The following GALNT9 variants were observed in gnomAD, a reference collection of about 807,000 sequenced individuals.
GALNT9 encodes GalNAc transferase 9.
In GALNT9, 47 loss-of-function variants were observed where a neutral mutation model predicts 63.1. That is an observed-to-expected ratio of 0.75 (90% confidence interval 0.59 to 0.95). The LOEUF is 0.95. Among genes scored for constraint, GALNT9 ranks in the 40% least tolerant of loss-of-function variants. The pLI, the probability that GALNT9 is intolerant of heterozygous loss-of-function variation, is 0.00. For synonymous variants in GALNT9, 396 were observed against 365.7 expected, an observed-to-expected ratio of 1.08 and a Z score of -0.94; for missense variants, 829 against 874.8, an observed-to-expected ratio of 0.95 and a Z score of 0.66.
At chr12:132,309,056 T>G (rs1347740948) in intron 1 of GALNT9, among the ~76,000 whole-genome samples, 1 of 152,210 alleles carries the variant, frequency 6.6e-6, no homozygotes, top group Non-Finnish European at 1.5e-5. Flanking sequence ...TTTATGGCCC[T>G]GCAGGGCGGT....
intron 2 of GALNT9, among the ~76,000 whole-genome samples, chr12:132,269,752 G>T (rs1206720572): frequency 6.6e-6 from 1 of 152,262 alleles, no homozygotes; most frequent in African/African-American, 2.4e-5. Context: ...GCCGGATCCC[G>T]GTGGGGTGGC....
At chr12:132,257,571 C>T (rs1879181671) in intron 5 of GALNT9, 118 bp downstream of exon 5, 2 of 657,190 alleles carry the variant, frequency 3.0e-6, no homozygotes, top group Admixed American at 5.6e-5. Flanking sequence ...GTCCCCACGC[C>T]CTCGTCCCCA....
intron 1 of GALNT9, among the ~76,000 whole-genome samples, chr12:132,323,985 G>A (rs1430318873): frequency 2.0e-5 from 3 of 152,172 alleles, no homozygotes; most frequent in Non-Finnish European, 2.9e-5. Flanking sequence ...TGTAATACAC[G>A]GAGGGAATTC....
At chr12:132,281,853 G>GTCCCCGA (rs1555241700) in intron 2 of GALNT9, among the ~76,000 whole-genome samples, 28 of 149,550 alleles carry the variant, frequency 1.9e-4, no homozygotes, top group African/African-American at 7.0e-4. Context: ...AGGCCTGGGG[G>GTCCCCGA]TCCCACATCC....
At chr12:132,291,396 C>G (rs1880830906) in intron 1 of GALNT9, among the ~76,000 whole-genome samples, 1 of 123,972 alleles carries the variant, frequency 8.1e-6, no homozygotes, top group Non-Finnish European at 1.7e-5. Context: ...CCACAGCACC[C>G]ACGTCCACAG....
chr12:132,203,965 C>T (rs562482948), intron 6 of GALNT9, among the ~76,000 whole-genome samples: 84 of 152,196 alleles, frequency 5.5e-4, no homozygotes, highest in African/African-American at 1.9e-3. Flanking sequence ...TTTATTCTAC[C>T]GACCCCAACA....
At chr12:132,289,771 T>G (rs1239571666) in intron 1 of GALNT9, among the ~76,000 whole-genome samples, 3 of 152,228 alleles carry the variant, frequency 2.0e-5, no homozygotes, top group Non-Finnish European at 2.9e-5. Flanking sequence ...GCGTCTGTGC[T>G]TAAGAGAACC....
At chr12:132,281,250 G>C (rs1183238529) in intron 2 of GALNT9, among the ~76,000 whole-genome samples, 1 of 152,212 alleles carries the variant, frequency 6.6e-6, no homozygotes, top group Non-Finnish European at 1.5e-5. Flanking sequence ...TGTTGCACGT[G>C]AACAATTCCC....
In GALNT9 at chr12:132,236,623, T is replaced by A. The variant is rs1878012491; in HGVS notation, c.1077+11287A>T. Among the ~76,000 whole-genome samples the A allele has an allele frequency of 6.6e-6, 1 of 152,174 alleles. No individual in the cohort carries two copies. Among genetic ancestry groups the A allele is most frequent in the Non-Finnish European group, 1.5e-5 (1 of 68,020 alleles). On this transcript the variant is annotated intron_variant, in intron 6 of 10. Transcript: ENST00000328957. The surrounding 1 kb of genome is among the most constrained non-coding windows in gnomAD (Gnocchi z 5.6). ...TTTGATTTCCTTCAAGAGTCCACCCTTATCTGTACCTGGTTAAAATAATCA... is the reference window on the plus strand; with the variant it reads ...TTTGATTTCCTTCAAGAGTCCACCCATATCTGTACCTGGTTAAAATAATCA...
intron 1 of GALNT9, among the ~76,000 whole-genome samples, chr12:132,300,591 C>A (rs1881257191): frequency 7.1e-6 from 1 of 140,576 alleles, no homozygotes; most frequent in Non-Finnish European, 1.5e-5. Context: ...CTGAGATAAC[C>A]AAGCCACTGC....
At chr12:132,214,379 T>A (rs1877096507) in intron 6 of GALNT9, among the ~76,000 whole-genome samples, 1 of 152,192 alleles carries the variant, frequency 6.6e-6, no homozygotes, top group Non-Finnish European at 1.5e-5. Context: ...ATCTGGAACC[T>A]CACTAGCCCG....
chr12:132,221,005 TGAG>T (rs1877419987), intron 6 of GALNT9, among the ~76,000 whole-genome samples: 1 of 134,896 alleles, frequency 7.4e-6, no homozygotes, highest in African/African-American at 2.9e-5. Flanking sequence ...TGCAGTGAGC[TGAG>T]TTCACACCAT....
At chr12:132,210,530 G>A (rs1453445933) in intron 6 of GALNT9, among the ~76,000 whole-genome samples, 2 of 152,138 alleles carry the variant, frequency 1.3e-5, no homozygotes, top group South Asian at 2.1e-4. Context: ...GGCAGGAGGT[G>A]CGCCCTGGCT....
intron 1 of GALNT9, among the ~76,000 whole-genome samples, chr12:132,313,429 C>A (rs1386986088): frequency 1.3e-5 from 2 of 149,226 alleles, no homozygotes; most frequent in Non-Finnish European, 3.0e-5. Flanking sequence ...TTCTACCCAC[C>A]TACCCATCCA....
At position 132,197,673 on chromosome 12, in the gene GALNT9, C is replaced by T. The variant is rs1446247426; in HGVS notation, c.1665+119G>A. 9.1e-6 allele frequency: 7 copies of T among 769,138 alleles called. No homozygotes were observed. The East Asian group carries it at 1.9e-4, about 21-fold the overall frequency. The allele number at this position is 769,138 out of a possible 1,614,324, so 47.6% of individuals were successfully genotyped here. On this transcript the variant is annotated intron_variant, in intron 10 of 10. Transcript: ENST00000328957. Reference sequence around the variant, plus strand: ...CTGATCCAAGGCCCGGTCCCCTGACCACCCCCTGCCGCACTCCAGCTCCCA... The same window carrying T: ...CTGATCCAAGGCCCGGTCCCCTGACTACCCCCTGCCGCACTCCAGCTCCCA...
intron 2 of GALNT9, chr12:132,276,096 C>T (rs1302724508): frequency 6.6e-6 from 1 of 152,298 alleles, no homozygotes; most frequent in African/African-American, 2.4e-5. Context: ...TTCCATGAAC[C>T]AAGGACAAGC....
intron 6 of GALNT9, among the ~76,000 whole-genome samples, chr12:132,239,767 G>A (rs1555236730): frequency 2.0e-5 from 3 of 152,118 alleles, no homozygotes; most frequent in Non-Finnish European, 4.4e-5. Context: ...TGGAGAGAAT[G>A]AGGCAGAGAC....
At chr12:132,308,813 G>A (rs1389393489) in intron 1 of GALNT9, among the ~76,000 whole-genome samples, 7 of 152,144 alleles carry the variant, frequency 4.6e-5, no homozygotes, top group South Asian at 4.1e-4. Flanking sequence ...CGTGTGCACC[G>A]GCCGTCCTCA....
chr12:132,225,171 C>T (rs1470923413), intron 6 of GALNT9, among the ~76,000 whole-genome samples: 1 of 144,018 alleles, frequency 6.9e-6, no homozygotes, highest in African/African-American at 2.6e-5. Context: ...ACACATACCA[C>T]ACAACCCACA....
Sources: allele counts gnomAD v4.1 joint callset (sites outside exome capture counted in the v4.1 genomes callset), GRCh38; gene constraint gnomAD v4.1.1; non-coding constraint Gnocchi (gnomAD v3.1); transcripts MANE v1.5; gene names NCBI Gene and HGNC (gene_info 2026-07-23, HGNC 2026-07-21).